GRIP2: variants seen among roughly 807,000 people sequenced by gnomAD.
GRIP2 encodes glutamate receptor-interacting protein 2.
GRIP2 carries 58 observed loss-of-function variants against 108.3 expected under a neutral mutation model. The ratio of observed to expected loss-of-function variants is 0.54; its 90% CI spans 0.43 to 0.67. GRIP2 has a LOEUF of 0.67. Among genes scored for constraint, GRIP2 ranks in the 30% least tolerant of loss-of-function variants. The probability of loss-of-function intolerance (pLI) is 0.00; values close to 1 mark genes in which losing one functional copy is unlikely to be tolerated. For missense variants in GRIP2, 1,278 were observed against 1,430.6 expected, an observed-to-expected ratio of 0.89 and a Z score of 1.72; for synonymous variants, 586 against 598.2, an observed-to-expected ratio of 0.98 and a Z score of 0.30.
rs759811179 is a variant in GRIP2, at chr3:14,506,822, C to T, written c.2377G>A (p.Glu793Lys). 1.1e-5 allele frequency: 18 copies of T among 1,602,306 alleles called. 1 individual carries two copies. The South Asian group carries it at 1.2e-4, about 11-fold the overall frequency. ...TTACCTGGGCCCCCAAAGCCACCCT[C>T]GGTGGCCGAGCTGTCCCAAGACTCC... ...AVESWDSSAT[E>K]GGFGGPGSYT... The change falls in exon 19 of 24, where the codon GAG becomes AAG. Residue 793 changes from glutamate (E) to lysine (K), a missense_variant. Coordinates refer to ENST00000621039, the MANE Select transcript of GRIP2 (RefSeq NM_001080423.4).
chr3:14,600,399 G>A, the GRIP2 span, among the ~76,000 whole-genome samples: 9 of 152,170 alleles, frequency 5.9e-5, 1 homozygote, highest in Non-Finnish European at 1.5e-5. Context: ...AGCAACTGAA[G>A]CTCAGAAAAA....
upstream of GRIP2, among the ~76,000 whole-genome samples, chr3:14,557,008 G>C (rs2124987660): frequency 6.6e-6 from 1 of 152,330 alleles, no homozygotes; most frequent in East Asian, 1.9e-4. Context: ...ACACTCATAG[G>C]AAGGGCAAGA....
chr3:14,532,473 G>T (rs1001685048), intron 1 of GRIP2, among the ~76,000 whole-genome samples: 1 of 152,178 alleles, frequency 6.6e-6, no homozygotes, highest in African/African-American at 2.4e-5. Context: ...CTTCTCTTCT[G>T]CATTGTAGGA....
upstream of GRIP2, among the ~76,000 whole-genome samples, chr3:14,560,931 C>G (rs542311421): frequency 6.6e-6 from 1 of 152,322 alleles, no homozygotes; most frequent in South Asian, 2.1e-4. Context: ...GCTCCCCAAA[C>G]TCTACCTTCA....
intron 21 of GRIP2, among the ~76,000 whole-genome samples, chr3:14,500,552 C>T (rs1693737638): frequency 6.6e-6 from 1 of 152,142 alleles, no homozygotes; most frequent in Non-Finnish European, 1.5e-5. Flanking sequence ...CGATCATTGC[C>T]AGAAGACAAC....
chr3:14,530,317 G>A (rs4685187), intron 1 of GRIP2, among the ~76,000 whole-genome samples: 62,551 of 151,794 alleles, frequency 0.41, 14,152 homozygotes, highest in South Asian at 0.61. Context: ...GCTACCAGAC[G>A]CACAAACATC....
At chr3:14,597,847 C>A in the GRIP2 span, among the ~76,000 whole-genome samples, 1 of 152,192 alleles carries the variant, frequency 6.6e-6, no homozygotes, top group Non-Finnish European at 1.5e-5. Flanking sequence ...TGGGAAATGA[C>A]TTCCACCATT....
Position 14,522,931 on chromosome 3 carries a change from C to T in GRIP2, c.566+69G>A, listed in dbSNP as rs1019272890. ...CTGGGGAAGGGGCATGGTGACCCCA[C>T]TCCACCTTCTTCGCAGGGGAGTTGG... is the stretch of plus-strand genomic sequence containing the variant. On this transcript the variant is annotated intron_variant, in intron 6 of 23. Coordinates refer to ENST00000621039, the MANE Select transcript of GRIP2 (RefSeq NM_001080423.4). This position sits in a 1 kb window ranked among gnomAD's most constrained non-coding sequence, Gnocchi z 4.3. The T allele has an allele frequency of 7.5e-6, 10 of 1,336,370 alleles. No individual in the cohort carries two copies. The highest frequency in any genetic ancestry group is 1.1e-5 in the Non-Finnish European group (10 of 927,396). 82.8% of individuals were successfully genotyped at this position (1,336,370 alleles called of 1,614,324 possible).
chr3:14,596,803 C>A, the GRIP2 span, among the ~76,000 whole-genome samples: 1 of 151,822 alleles, frequency 6.6e-6, no homozygotes, highest in African/African-American at 2.4e-5. Flanking sequence ...CGCAGTGGTA[C>A]AATCATGACT....
upstream of GRIP2, among the ~76,000 whole-genome samples, chr3:14,556,231 C>G (rs555808200): frequency 6.6e-6 from 1 of 152,192 alleles, no homozygotes; most frequent in Non-Finnish European, 1.5e-5. Context: ...GCGGGCCCCA[C>G]CCTCAAGTCC....
intron 1 of GRIP2, among the ~76,000 whole-genome samples, chr3:14,549,678 C>A (rs1004725479): frequency 6.6e-6 from 1 of 152,262 alleles, no homozygotes; most frequent in East Asian, 1.9e-4. Flanking sequence ...CCCGGCTGGC[C>A]CCCAGCTGGC....
Position 14,505,230 on chromosome 3 carries a change from C to T in GRIP2, c.2573+385G>A, listed in dbSNP as rs566902051. Among the ~76,000 whole-genome samples, 14 of 152,280 alleles carry T rather than the reference C, an allele frequency of 9.2e-5. 1 individual carries two copies. In the East Asian group the frequency reaches 2.5e-3, roughly 27 times the overall value. On this transcript the variant is annotated intron_variant, in intron 20 of 23. Coordinates refer to ENST00000621039, the MANE Select transcript of GRIP2 (RefSeq NM_001080423.4). This position sits in a 1 kb window ranked among gnomAD's most constrained non-coding sequence, Gnocchi z 4.2. ...AGCCTTCTCCAGCGGCTCAGCCACT[C>T]GGCACAGCCCAGGGATGGTGCCGGT...
At chr3:14,550,565 C>A (rs1695130536) in intron 1 of GRIP2, among the ~76,000 whole-genome samples, 1 of 152,246 alleles carries the variant, frequency 6.6e-6, no homozygotes, top group African/African-American at 2.4e-5. Context: ...CTAGATCTAC[C>A]TCCACCTCTG....
rs760584263 is a variant in GRIP2, at chr3:14,505,649, C to T, written c.2539G>A (p.Glu847Lys). The change falls in exon 20 of 24, where the codon GAG (glutamate) becomes AAG (lysine). Residue 847 changes from glutamate (E) to lysine (K), a missense_variant. Coordinates refer to ENST00000621039, the MANE Select transcript of GRIP2 (RefSeq NM_001080423.4). This position sits in a 1 kb window ranked among gnomAD's most constrained non-coding sequence, Gnocchi z 4.2. Reference sequence around the variant, plus strand: ...GGCTCCCAATCATCCTCCTCCTCCTCCTCTGGAAAGCTCTCGTCAGCTGGG... The same window carrying T: ...GGCTCCCAATCATCCTCCTCCTCCTTCTCTGGAAAGCTCTCGTCAGCTGGG... ...PTPADESFPE[E>K]EEEDDWEPPT... 1.2e-5 allele frequency: 20 copies of T among 1,610,476 alleles called. No individual in the cohort carries two copies. The highest frequency in any genetic ancestry group is 3.4e-5 in the Admixed American group (2 of 59,570).
the GRIP2 span, among the ~76,000 whole-genome samples, chr3:14,565,582 G>A: frequency 1.3e-5 from 2 of 148,392 alleles, no homozygotes; most frequent in Admixed American, 6.7e-5. Context: ...CCGAAGGCCC[G>A]GAGAGGTGGG....
At position 14,537,808 on chromosome 3, in the gene GRIP2, C is replaced by T. The variant is rs75686534; in HGVS notation, c.40+2461G>A. On this transcript the variant is annotated intron_variant, in intron 1 of 23. Coordinates refer to ENST00000621039, the MANE Select transcript of GRIP2 (RefSeq NM_001080423.4). ...TACACCCACACCCACTGAGACTTCC[C>T]TGCCCCCAGCATGGCAGCAAGTGCC... is the stretch of plus-strand genomic sequence containing the variant. Among the ~76,000 whole-genome samples, 153 of 152,336 alleles carry T rather than the reference C, an allele frequency of 1.0e-3. 4 individuals carry two copies. The East Asian group carries it at 0.021, about 21-fold the overall frequency.
At chr3:14,566,326 GA>G in the GRIP2 span, among the ~76,000 whole-genome samples, 1 of 152,210 alleles carries the variant, frequency 6.6e-6, no homozygotes, top group Admixed American at 6.5e-5. Context: ...TGGGAACACA[GA>G]GTCACACACC....
At chr3:14,580,959 G>A in the GRIP2 span, among the ~76,000 whole-genome samples, 1 of 152,132 alleles carries the variant, frequency 6.6e-6, no homozygotes, top group South Asian at 2.1e-4. Context: ...GCAACATAGA[G>A]ACCCTGCTTG....
Position 14,520,429 on chromosome 3 carries a change from A to G in GRIP2, c.821T>C (p.Ile274Thr), listed in dbSNP as rs201030124. Residue 274 changes from isoleucine to threonine, a missense_variant, in exon 8 of 24, where the codon ATT becomes ACT. Coordinates refer to ENST00000621039, the MANE Select transcript of GRIP2 (RefSeq NM_001080423.4). The stretch of plus-strand genomic sequence containing the variant: ...GGCTGGCTTGATGCGGTCGATGGTA[A>G]TGACTGACTTGTTCCGGAGGGAGGT... ...TTTSLRNKSV[I>T]TIDRIKPASV... The G allele has an allele frequency of 6.2e-7, 1 of 1,613,650 alleles. No individual in the cohort carries two copies. Among genetic ancestry groups the G allele is most frequent in the Non-Finnish European group, 8.5e-7 (1 of 1,179,760 alleles).
Sources: gnomAD v4.1 joint callset for allele counts (sites outside exome capture counted in the v4.1 genomes callset) on GRCh38, gnomAD v4.1.1 for gene constraint, Gnocchi (gnomAD v3.1) non-coding constraint, MANE v1.5 for transcripts, NCBI Gene and HGNC (gene_info 2026-07-23, HGNC 2026-07-21) for gene names.